Variants in SUGP2 observed in about 807,000 individuals in gnomAD.
SUGP2 encodes the protein SURP and G-patch domain-containing protein 2.
In SUGP2, 24 loss-of-function variants were observed where a neutral mutation model predicts 90.5. That is an observed-to-expected ratio of 0.27 (90% CI 0.19 to 0.37). SUGP2 has a LOEUF of 0.37. SUGP2 is among the 10% of genes least tolerant of loss of function. SUGP2 has a pLI of 1.00. For missense variants in SUGP2, 1,233 were observed against 1,363.3 expected, an observed-to-expected ratio of 0.90 and a Z score of 1.51; for synonymous variants, 473 against 513.4, an observed-to-expected ratio of 0.92 and a Z score of 1.06.
At chr19:19,027,045 C>T (rs533306470) in intron 2 of SUGP2, among the ~76,000 whole-genome samples, 26 of 152,130 alleles carry the variant, frequency 1.7e-4, no homozygotes, top group Non-Finnish European at 2.9e-4. Context: ...TTTGGGAGGC[C>T]GAGGTGGGAG....
intron 8 of SUGP2, among the ~76,000 whole-genome samples, chr19:18,999,326 C>T (rs1012690802): frequency 1.3e-5 from 2 of 152,178 alleles, no homozygotes; most frequent in Non-Finnish European, 2.9e-5. Flanking sequence ...GCAGCATGTG[C>T]AGGACACCCA....
intron 7 of SUGP2, among the ~76,000 whole-genome samples, chr19:19,002,760 G>A (rs571593788): frequency 4.5e-4 from 69 of 151,998 alleles, no homozygotes; most frequent in Admixed American, 2.2e-3. Flanking sequence ...CGATCCTCCC[G>A]CCTTGGCCTC....
chr19:19,007,835 C>T (rs1027583272), intron 6 of SUGP2, among the ~76,000 whole-genome samples: 2 of 148,546 alleles, frequency 1.3e-5, no homozygotes, highest in Admixed American at 1.4e-4. Context: ...TCTCAGCTCA[C>T]TGAAACCTCC....
chr19:19,015,030 T>C (rs943612585), intron 4 of SUGP2, among the ~76,000 whole-genome samples: 4 of 151,510 alleles, frequency 2.6e-5, no homozygotes, highest in Non-Finnish European at 5.9e-5. Flanking sequence ...TGAAATCCCG[T>C]CTCTACTAAA....
chr19:18,999,052 GCAGGT>G lies in SUGP2; in HGVS notation c.2991+2556_2991+2560del, dbSNP rs1449818443. On this transcript the variant is annotated intron_variant, in intron 8 of 10. Coordinates refer to ENST00000452918, the MANE Select transcript of SUGP2 (RefSeq NM_001017392.5). ...GGCAGGGCACAGGGGTCCCCAGAGG[GCAGGT>G]CTGTACTCTTTTCCCTTTCAGGAAG... is the stretch of plus-strand genomic sequence containing the variant. The G allele has an allele frequency of 5.9e-5, 9 of 152,524 alleles. No individual in the cohort carries two copies. In the East Asian group the frequency reaches 1.7e-3, roughly 29 times the overall value. 9.4% of individuals were successfully genotyped at this position (152,524 alleles called of 1,614,324 possible).
rs182696294 is a variant in SUGP2, at chr19:19,003,994, T to C, written c.2929+174A>G. 1.3e-3 allele frequency among the ~76,000 whole-genome samples: 203 copies of C among 152,332 alleles called. 2 individuals are homozygous for C. Among genetic ancestry groups the C allele is most frequent in the African/African-American group, 4.5e-3 (188 of 41,572 alleles). On this transcript the variant is annotated intron_variant, in intron 7 of 10. Transcript: ENST00000452918. Reference sequence around the variant, plus strand: ...GAAGCCACAGGGTAGCAAGGAAACATGTCCTTAGAGCAATGCCTTCAGACC... The same window carrying C: ...GAAGCCACAGGGTAGCAAGGAAACACGTCCTTAGAGCAATGCCTTCAGACC...
chr19:19,032,451 C>G (rs920548820), intron 1 of SUGP2, among the ~76,000 whole-genome samples: 6 of 152,160 alleles, frequency 3.9e-5, no homozygotes, highest in Non-Finnish European at 7.3e-5. Context: ...TGAGCCACTG[C>G]GCCTGGCCCA....
intron 6 of SUGP2, among the ~76,000 whole-genome samples, chr19:19,006,801 G>C (rs2058093830): frequency 6.6e-6 from 1 of 152,160 alleles, no homozygotes; most frequent in Non-Finnish European, 1.5e-5. Flanking sequence ...GTCTGTAGGT[G>C]GTCAGTGCCC....
At chr19:19,029,483 G>A (rs889566007) in intron 2 of SUGP2, among the ~76,000 whole-genome samples, 2 of 148,618 alleles carry the variant, frequency 1.3e-5, no homozygotes, top group Admixed American at 1.4e-4. Flanking sequence ...CTGTCGCCCA[G>A]GCTGGAGTGC....
intron 6 of SUGP2, among the ~76,000 whole-genome samples, chr19:19,005,862 CA>C (rs1385924013): frequency 7.4e-4 from 5 of 6,736 alleles, no homozygotes; most frequent in East Asian, 3.0e-3. Flanking sequence ...CACACACACA[CA>C]CACACACACA....
chr19:19,024,867 C>T lies in SUGP2; in HGVS notation c.1481G>A (p.Arg494Gln). The change falls in exon 3 of 11, where the codon CGG becomes CAG. Residue 494 changes from arginine (R) to glutamine (Q), a missense_variant. Arg to Gln is a conservative substitution (Grantham distance 43, BLOSUM62 1). Around this residue, in one of 8 missense-constraint regions of SUGP2, gnomAD observed 59 missense variants for 92.6 expected, o/e 0.64. Transcript: ENST00000452918. ...GQTFSLASSF[R>Q]QEKILEAVGL... ...GACAGCTTCTAAGATTTTCTCCTGC[C>T]GGAAAGAAGAGGCCAAGGAAAATGT... 1 of 1,614,026 alleles carries T rather than the reference C, an allele frequency of 6.2e-7. No homozygotes were observed. The highest frequency in any genetic ancestry group is 8.5e-7 in the Non-Finnish European group (1 of 1,180,028).
intron 9 of SUGP2, 197 bp downstream of exon 9, chr19:18,994,947 C>T: frequency 1.5e-6 from 1 of 660,022 alleles, no homozygotes; most frequent in South Asian, 1.9e-5. Context: ...AAAAAATCTA[C>T]ACCAGGACAG....
chr19:19,020,052 C>CAAAAA (rs1372384091), intron 3 of SUGP2, among the ~76,000 whole-genome samples: 2 of 121,140 alleles, frequency 1.7e-5, no homozygotes, highest in African/African-American at 3.2e-5. Context: ...GACTCCATCA[C>CAAAAA]AAAAAAAAAT....
Position 19,024,732 on chromosome 19 carries a change from C to A in SUGP2, c.1616G>T (p.Gly539Val). The change falls in exon 3 of 11, where the codon GGA (glycine) becomes GTA (valine). Residue 539 changes from glycine to valine, a missense_variant. Gly to Val is a moderately radical substitution (Grantham distance 109, BLOSUM62 -3). Coordinates refer to ENST00000452918, the MANE Select transcript of SUGP2 (RefSeq NM_001017392.5). ...GGCTTTCTTAACCTGGAGGGGACAT[C>A]CGCTGCTGACTAGCCAGGCCTTCAG... Reference protein sequence around the residue: ...DHLKAWLVSSGCPLQVKKAEP... With the variant: ...DHLKAWLVSSVCPLQVKKAEP... 1 of 1,614,212 alleles carries A rather than the reference C, an allele frequency of 6.2e-7. No homozygotes were observed. The highest frequency in any genetic ancestry group is 8.5e-7 in the Non-Finnish European group (1 of 1,180,052).
chr19:19,004,659 G>T lies in SUGP2; in HGVS notation c.2451-13C>A, dbSNP rs759377212. 6.4e-7 allele frequency: 1 copy of T among 1,569,550 alleles called. No individual in the cohort carries two copies. The highest frequency in any genetic ancestry group is 1.2e-5 in the South Asian group (1 of 86,770). Reference sequence around the variant, plus strand: ...GTCATGTAGAAACCTGGGGCACAGAGGAAATACATTGGGTAACCAGATGGA... The same window carrying T: ...GTCATGTAGAAACCTGGGGCACAGATGAAATACATTGGGTAACCAGATGGA... On this transcript the variant is annotated splice_polypyrimidine_tract_variant and intron_variant, in intron 6 of 10. Coordinates refer to ENST00000452918, the MANE Select transcript of SUGP2 (RefSeq NM_001017392.5).
Position 19,010,150 on chromosome 19 carries a change from C to T in SUGP2, c.2043G>A (p.Gly681=). 6.2e-7 allele frequency: 1 copy of T among 1,612,764 alleles called. No homozygotes were observed. Among genetic ancestry groups the T allele is most frequent in the Non-Finnish European group, 8.5e-7 (1 of 1,179,870 alleles). The change falls in exon 5 of 11, where the codon GGG becomes GGA. Residue 681 remains glycine (G), a synonymous_variant. Transcript: ENST00000452918. The part of the protein sequence containing the change: ...KKKLLPWQRR[G]LLRAQGLRGW... Reference sequence around the variant, plus strand: ...CCCGGAGCCCTTGAGCACGGAGGAGCCCCCGCCGCTGCCACGGAAGGAGTT... The same window carrying T: ...CCCGGAGCCCTTGAGCACGGAGGAGTCCCCGCCGCTGCCACGGAAGGAGTT...
In SUGP2 at chr19:18,991,398, GTCC is replaced by G. The variant is rs1238327608; in HGVS notation, c.*2340_*2342del. The G allele has an allele frequency of 4.6e-5, 7 of 152,268 alleles. No homozygotes were observed. The highest frequency in any genetic ancestry group is 1.7e-4 in the African/African-American group (7 of 41,462). 9.4% of individuals were successfully genotyped at this position (152,268 alleles called of 1,614,324 possible). On this transcript the variant is annotated 3_prime_UTR_variant, in exon 11 of 11. Transcript: ENST00000452918. ...CCAGCGCTGAATCCACAGGAGAGGT[GTCC>G]TCTGAGAGTGTAGGGGGCTTTCTAG...
At chr19:18,994,254 T>C (rs2057480476) in intron 10 of SUGP2, 112 bp downstream of exon 10, 1 of 1,409,728 alleles carries the variant, frequency 7.1e-7, no homozygotes, top group South Asian at 1.3e-5. Flanking sequence ...ATTTTTTTTG[T>C]GTGTGGCATT....
chr19:19,000,710 C>CT (rs149299644), intron 8 of SUGP2, among the ~76,000 whole-genome samples: 176 of 143,980 alleles, frequency 1.2e-3, no homozygotes, highest in Middle Eastern at 7.2e-3. Flanking sequence ...ATAACTTGAA[C>CT]TTTTTTTTTT....
Sources: allele counts gnomAD v4.1 joint callset (sites outside exome capture counted in the v4.1 genomes callset), GRCh38; gene constraint gnomAD v4.1.1; regional missense constraint gnomAD v4.1.1; transcripts MANE v1.5; gene names NCBI Gene and HGNC (gene_info 2026-07-23, HGNC 2026-07-21).